LAMA2: variants seen among roughly 807,000 people sequenced by gnomAD.
LAMA2 encodes the protein laminin subunit alpha 2.
LAMA2 carries 269 observed loss-of-function variants against 364.8 expected under a neutral mutation model. The observed-to-expected ratio is 0.74, with a 90% CI of 0.67 to 0.82. LAMA2 has a LOEUF of 0.82. Among genes scored for constraint, LAMA2 ranks in the 40% least tolerant of loss-of-function variants. LAMA2 has a pLI of 0.00. For synonymous variants in LAMA2, 1,379 were observed against 1,370.6 expected, an observed-to-expected ratio of 1.01 and a Z score of -0.14; for missense variants, 3,807 against 3,873.2, an observed-to-expected ratio of 0.98 and a Z score of 0.45.
chr6:128,950,882 G>A (rs1203714783), intron 1 of LAMA2, among the ~76,000 whole-genome samples: 1 of 151,950 alleles, frequency 6.6e-6, no homozygotes, highest in Non-Finnish European at 1.5e-5. Context: ...AGAGTCCCTG[G>A]TACCAAATAA....
chr6:129,410,939 G>A (rs1205476967), intron 40 of LAMA2, among the ~76,000 whole-genome samples: 1 of 152,150 alleles, frequency 6.6e-6, no homozygotes, highest in Non-Finnish European at 1.5e-5. Flanking sequence ...GAACTAGAGA[G>A]AAAATGAGAT....
chr6:129,125,183 C>T (rs1777039929), intron 4 of LAMA2, among the ~76,000 whole-genome samples: 1 of 152,074 alleles, frequency 6.6e-6, no homozygotes, highest in Non-Finnish European at 1.5e-5. Context: ...GATTGAGTTG[C>T]TTTGAAATGA....
intron 47 of LAMA2, among the ~76,000 whole-genome samples, chr6:129,455,079 A>T (rs371716781): frequency 2.6e-5 from 4 of 152,120 alleles, no homozygotes; most frequent in African/African-American, 9.7e-5. Flanking sequence ...AAAAGTTTAA[A>T]AGAAAGAGCC....
intron 1 of LAMA2, among the ~76,000 whole-genome samples, chr6:128,910,261 C>G (rs1777812259): frequency 6.6e-6 from 1 of 152,238 alleles, no homozygotes; most frequent in South Asian, 2.1e-4. Flanking sequence ...CTCCCCGTCA[C>G]TTTCAGGTAC....
chr6:129,289,661 TTTTA>T (rs1789550856), intron 19 of LAMA2, among the ~76,000 whole-genome samples: 1 of 152,106 alleles, frequency 6.6e-6, no homozygotes, highest in African/African-American at 2.4e-5. Flanking sequence ...TTAATTATTA[TTTTA>T]TTATGGTAAT....
At chr6:129,324,759 T>G (rs1406822399) in intron 28 of LAMA2, among the ~76,000 whole-genome samples, 1 of 152,212 alleles carries the variant, frequency 6.6e-6, no homozygotes, top group Non-Finnish European at 1.5e-5. Context: ...TAAACATATT[T>G]AAACATAGCA....
intron 22 of LAMA2, among the ~76,000 whole-genome samples, chr6:129,306,343 AG>A (rs1773870687): frequency 9.0e-6 from 1 of 111,370 alleles, no homozygotes; most frequent in Admixed American, 9.3e-5. Context: ...TGTTCCAGAA[AG>A]GTGTTTTTTT....
At chr6:129,465,731 A>C (rs1783509391) in intron 51 of LAMA2, among the ~76,000 whole-genome samples, 1 of 151,998 alleles carries the variant, frequency 6.6e-6, no homozygotes. Flanking sequence ...ATAATTGATC[A>C]ATAGTAACAT....
At position 129,383,233 on chromosome 6, in the gene LAMA2, G is replaced by A; in HGVS notation, c.5071G>A (p.Ala1691Thr). The A allele has an allele frequency of 6.2e-7, 1 of 1,604,784 alleles. No homozygotes were observed. Among genetic ancestry groups the A allele is most frequent in the Non-Finnish European group, 8.5e-7 (1 of 1,172,596 alleles). Reference protein sequence around the residue: ...FIKELARDAEAVNEKAIKLNE... With the variant: ...FIKELARDAETVNEKAIKLNE... ...TAAGGAGCTTGCCCGGGATGCAGAA[G>A]GTATTAGAAAGAATCACATTTTAAT... The change falls in exon 35 of 65, where the codon GCT becomes ACT. Residue 1691 changes from alanine to threonine, a missense_variant and splice_region_variant. Ala to Thr is a moderately conservative substitution (Grantham distance 58). This residue lies in a region of LAMA2 where 3,333 missense variants were observed against 3,345.7 expected (regional missense o/e 1.00). Transcript: ENST00000421865.
chr6:129,296,845 T>A (rs535885387), intron 20 of LAMA2, among the ~76,000 whole-genome samples: 13 of 152,322 alleles, frequency 8.5e-5, no homozygotes, highest in African/African-American at 2.9e-4. Context: ...TTCATTTTTC[T>A]GCTCGGAGTG....
intron 1 of LAMA2, among the ~76,000 whole-genome samples, chr6:128,924,006 C>T (rs1778922965): frequency 6.6e-6 from 1 of 152,052 alleles, no homozygotes; most frequent in Admixed American, 6.6e-5. Flanking sequence ...TAGTCAGATG[C>T]CCCTCTTAAC....
intron 12 of LAMA2, among the ~76,000 whole-genome samples, chr6:129,209,690 A>C (rs911510295): frequency 6.6e-6 from 1 of 152,158 alleles, no homozygotes; most frequent in Non-Finnish European, 1.5e-5. Context: ...TGCATCAGTC[A>C]TCTGGAGTCT....
At chr6:129,167,473 C>T (rs899365946) in intron 9 of LAMA2, among the ~76,000 whole-genome samples, 2 of 151,832 alleles carry the variant, frequency 1.3e-5, no homozygotes, top group African/African-American at 2.4e-5. Flanking sequence ...CATCCATGTC[C>T]CTACAAAGGA....
At chr6:128,967,702 C>CA (rs1393896358) in intron 1 of LAMA2, among the ~76,000 whole-genome samples, 1 of 152,084 alleles carries the variant, frequency 6.6e-6, no homozygotes, top group Non-Finnish European at 1.5e-5. Context: ...GTTTATACAC[C>CA]AAGCATCAAA....
chr6:129,130,680 G>A lies in LAMA2; in HGVS notation c.640-13221G>A, dbSNP rs750008767. ...AATAAATATTCACTGGACTTACAGCGTATTCCTTTTTTTAAGGAACCAAGT... is the reference window on the plus strand; with the variant it reads ...AATAAATATTCACTGGACTTACAGCATATTCCTTTTTTTAAGGAACCAAGT... On this transcript the variant is annotated intron_variant, in intron 4 of 64. Transcript: ENST00000421865. 3.3e-5 allele frequency among the ~76,000 whole-genome samples: 5 copies of A among 152,252 alleles called. No individual in the cohort carries two copies. In the East Asian group the frequency reaches 5.8e-4, roughly 18 times the overall value.
intron 2 of LAMA2, among the ~76,000 whole-genome samples, chr6:129,050,600 G>T (rs1385520096): frequency 1.3e-5 from 2 of 152,168 alleles, no homozygotes; most frequent in Non-Finnish European, 2.9e-5. Context: ...GATGACCAAG[G>T]ACATGAGCTA....
At chr6:128,903,695 A>G (rs1352758552) in intron 1 of LAMA2, among the ~76,000 whole-genome samples, 1 of 152,058 alleles carries the variant, frequency 6.6e-6, no homozygotes, top group African/African-American at 2.4e-5. Context: ...GAAATTAAGT[A>G]TTTTATATAA....
chr6:129,149,860 G>A (rs537870138), intron 7 of LAMA2, among the ~76,000 whole-genome samples: 2 of 152,214 alleles, frequency 1.3e-5, no homozygotes, highest in African/African-American at 4.8e-5. Context: ...GGTATTATAA[G>A]TAATCTAGAG....
chr6:129,393,696 T>C (rs572369160), intron 37 of LAMA2, among the ~76,000 whole-genome samples: 1 of 152,364 alleles, frequency 6.6e-6, no homozygotes, highest in Non-Finnish European at 1.5e-5. Context: ...ATTCATATCA[T>C]ATTATTTTGC....
Sources: allele counts gnomAD v4.1 joint callset (sites outside exome capture counted in the v4.1 genomes callset), GRCh38; gene constraint gnomAD v4.1.1; regional missense constraint gnomAD v4.1.1; transcripts MANE v1.5; gene names NCBI Gene and HGNC (gene_info 2026-07-23, HGNC 2026-07-21).